Variants in PAPPA2 observed in about 807,000 individuals in gnomAD.
PAPPA2 encodes the protein pappalysin 2.
A neutral mutation model predicts 176.4 loss-of-function variants in PAPPA2; 86 were observed. That is an observed-to-expected ratio of 0.49 (90% CI 0.41 to 0.58). The LOEUF (loss-of-function observed/expected upper bound fraction) is 0.58, where lower values mean the gene tolerates loss of function less well. PAPPA2 is among the 20% of genes least tolerant of loss of function. The probability of loss-of-function intolerance (pLI) is 0.00; values close to 1 mark genes in which losing one functional copy is unlikely to be tolerated. For synonymous variants in PAPPA2, 809 were observed against 852.2 expected (o/e 0.95, Z 0.88); for missense variants, 2,073 against 2,256.9 (o/e 0.92, Z 1.65).
intron 14 of PAPPA2, among the ~76,000 whole-genome samples, chr1:176,750,671 T>C (rs539065058): frequency 3.3e-5 from 5 of 152,304 alleles, no homozygotes; most frequent in Admixed American, 3.3e-4. Flanking sequence ...GTATTTGATA[T>C]ATTAAATGTA....
intron 20 of PAPPA2, among the ~76,000 whole-genome samples, chr1:176,796,616 T>TTTTCTTTC (rs71129584): frequency 7.7e-5 from 9 of 116,450 alleles, no homozygotes; most frequent in East Asian, 2.0e-4. Context: ...TTTTCTTTTC[T>TTTTCTTTC]TTTCTTTCTT....
intron 2 of PAPPA2, among the ~76,000 whole-genome samples, chr1:176,583,216 TTTTG>T (rs1353958004): frequency 6.6e-6 from 1 of 152,090 alleles, no homozygotes; most frequent in African/African-American, 2.4e-5. Context: ...TTAGTCTCTC[TTTTG>T]TTTATTTTTC....
intron 4 of PAPPA2, among the ~76,000 whole-genome samples, chr1:176,675,368 T>C (rs1659235020): frequency 2.0e-5 from 3 of 152,054 alleles, no homozygotes; most frequent in Non-Finnish European, 1.5e-5. Flanking sequence ...ATCCAGGTAT[T>C]GGCATTATTG....
rs1000703490 is a variant in PAPPA2 at position 176,688,491 on chromosome 1, G to A, written c.2138-1646G>A. Among the ~76,000 whole-genome samples, 13 of 152,156 alleles carry A rather than the reference G, an allele frequency of 8.5e-5. 1 individual carries two copies. Among genetic ancestry groups the A allele is most frequent in the Admixed American group, 2.6e-4 (4 of 15,274 alleles). On this transcript the variant is annotated intron_variant, in intron 4 of 22. Coordinates refer to ENST00000367662, the MANE Select transcript of PAPPA2 (RefSeq NM_020318.3). Reference sequence around the variant, plus strand: ...ACACCTGTTTTCAAGTTAGCTTAACGTTATGTTGACATCATGATGCACAAA... The same window carrying A: ...ACACCTGTTTTCAAGTTAGCTTAACATTATGTTGACATCATGATGCACAAA...
chr1:176,625,237 C>T (rs1053174961), intron 3 of PAPPA2, among the ~76,000 whole-genome samples: 2 of 152,140 alleles, frequency 1.3e-5, no homozygotes, highest in Non-Finnish European at 2.9e-5. Flanking sequence ...AGATAGTTAA[C>T]TTAGAAGCTG....
At chr1:176,638,060 A>G (rs1275499977) in intron 3 of PAPPA2, among the ~76,000 whole-genome samples, 1 of 152,130 alleles carries the variant, frequency 6.6e-6, no homozygotes, top group Non-Finnish European at 1.5e-5. Flanking sequence ...CTAGAAAATA[A>G]TAAATTCTCA....
At chr1:176,552,352 T>TC in intron 1 of PAPPA2, among the ~76,000 whole-genome samples, 1 of 142,572 alleles carries the variant, frequency 7.0e-6, no homozygotes, top group East Asian at 2.3e-4. Flanking sequence ...CTTGCTCCCT[T>TC]CCCCTTTCCC....
chr1:176,535,513 C>T (rs1051789547), intron 1 of PAPPA2, among the ~76,000 whole-genome samples: 2 of 152,042 alleles, frequency 1.3e-5, no homozygotes, highest in East Asian at 3.8e-4. Context: ...AGTGTGGTAT[C>T]CTAAAGGCAC....
intron 1 of PAPPA2, among the ~76,000 whole-genome samples, chr1:176,530,471 C>T (rs1649750131): frequency 6.6e-6 from 1 of 152,148 alleles, no homozygotes; most frequent in Non-Finnish European, 1.5e-5. Context: ...GTCAGCATCC[C>T]ATCCTCTAGA....
chr1:176,684,105 A>AG (rs966583433), intron 4 of PAPPA2, among the ~76,000 whole-genome samples: 1 of 152,190 alleles, frequency 6.6e-6, no homozygotes, highest in Non-Finnish European at 1.5e-5. Flanking sequence ...GCAGAGGCTT[A>AG]GAAAACCCCA....
intron 3 of PAPPA2, among the ~76,000 whole-genome samples, chr1:176,667,246 C>CAA (rs200587040): frequency 1.8e-4 from 23 of 129,018 alleles, no homozygotes; most frequent in Non-Finnish European, 2.8e-4. Context: ...AACTCGGTCT[C>CAA]AAAAAAAAAA....
At chr1:176,655,863 T>A (rs1658004377) in intron 3 of PAPPA2, among the ~76,000 whole-genome samples, 1 of 151,860 alleles carries the variant, frequency 6.6e-6, no homozygotes, top group South Asian at 2.1e-4. Flanking sequence ...AAAATTTCTG[T>A]TCCTTAGAGT....
intron 1 of PAPPA2, among the ~76,000 whole-genome samples, chr1:176,500,091 GGTGACATTTGT>G (rs1217395575): frequency 3.4e-5 from 5 of 146,446 alleles, no homozygotes; most frequent in African/African-American, 1.3e-4. Flanking sequence ...TCAAAGGAGA[GGTGACATTTGT>G]GAAAATTTTC....
chr1:176,765,612 C>T, intron 14 of PAPPA2, 54 bp from the exon 15 acceptor site: 1 of 1,543,058 alleles, frequency 6.5e-7, no homozygotes, highest in Admixed American at 1.8e-5. Flanking sequence ...AGTCATTGCT[C>T]CTCCTTACTG....
Position 176,844,498 on chromosome 1 carries a change from C to T in PAPPA2, c.*2044C>T, listed in dbSNP as rs935400357. On this transcript the variant is annotated 3_prime_UTR_variant, in exon 23 of 23. Transcript: ENST00000367662. ...GGGAAAAGGAAAGAGCAGAGTTCACCCATTCAAAAAAAACCTTTTGTCTAC... is the reference window on the plus strand; with the variant it reads ...GGGAAAAGGAAAGAGCAGAGTTCACTCATTCAAAAAAAACCTTTTGTCTAC... 2 of 151,878 alleles carry T rather than the reference C, an allele frequency of 1.3e-5. No individual in the cohort carries two copies. The highest frequency in any genetic ancestry group is 2.4e-5 in the African/African-American group (1 of 41,362). 9.4% of individuals were successfully genotyped at this position (151,878 alleles called of 1,614,324 possible).
intron 2 of PAPPA2, among the ~76,000 whole-genome samples, chr1:176,584,592 A>G (rs1488242278): frequency 1.3e-5 from 2 of 151,620 alleles, no homozygotes; most frequent in Non-Finnish European, 2.9e-5. Flanking sequence ...TGGTCAATCT[A>G]TATTTTTTAG....
rs145314885 is a variant in PAPPA2, at chr1:176,607,359, A to G, written c.1991+11764A>G. On this transcript the variant is annotated intron_variant, in intron 3 of 22. Transcript: ENST00000367662. ...TACCTGTTAACCTACCTCTCTTCAT[A>G]TCTACTTCCACACTTCCTAAGCCTC... is the stretch of plus-strand genomic sequence containing the variant. Among the ~76,000 whole-genome samples the G allele has an allele frequency of 7.4e-4, 113 of 152,310 alleles. 1 individual carries two copies. Among genetic ancestry groups the G allele is most frequent in the African/African-American group, 2.5e-3 (104 of 41,578 alleles).
At chr1:176,646,313 C>T (rs532414029) in intron 3 of PAPPA2, among the ~76,000 whole-genome samples, 1 of 151,222 alleles carries the variant, frequency 6.6e-6, no homozygotes, top group African/African-American at 2.4e-5. Flanking sequence ...TTATGAGGTA[C>T]ATGAGATATT....
intron 1 of PAPPA2, among the ~76,000 whole-genome samples, chr1:176,512,459 C>T (rs1032421306): frequency 1.3e-5 from 2 of 151,972 alleles, no homozygotes; most frequent in Non-Finnish European, 2.9e-5. Flanking sequence ...AAGCATTATG[C>T]CAAGTAAAAG....
Sources: gnomAD v4.1 joint callset for allele counts (sites outside exome capture counted in the v4.1 genomes callset) on GRCh38, gnomAD v4.1.1 for gene constraint, MANE v1.5 for transcripts, NCBI Gene and HGNC (gene_info 2026-07-23, HGNC 2026-07-21) for gene names.